LAPTM5: variants seen among roughly 807,000 people sequenced by gnomAD.
The protein encoded by LAPTM5 is lysosomal-associated transmembrane protein 5.
In LAPTM5, 11 loss-of-function variants were observed where a neutral mutation model predicts 30.1. The ratio of observed to expected loss-of-function variants is 0.37; its 90% CI spans 0.23 to 0.60. The LOEUF (loss-of-function observed/expected upper bound fraction) is 0.60. LAPTM5 is among the 20% of genes least tolerant of loss of function. The pLI is 0.71. For missense variants in LAPTM5, 324 were observed against 332.5 expected (o/e 0.97, Z 0.20); for synonymous variants, 151 against 137.9 (o/e 1.10, Z -0.67).
intron 1 of LAPTM5, among the ~76,000 whole-genome samples, chr1:30,750,322 T>C (rs1056734033): frequency 6.6e-6 from 1 of 152,144 alleles, no homozygotes; most frequent in African/African-American, 2.4e-5. Flanking sequence ...AGACCCACAA[T>C]AGTGATAATA....
At position 30,741,633 on chromosome 1, in the gene LAPTM5, C is replaced by G. The variant is rs373851627; in HGVS notation, c.258+7G>C. The G allele has an allele frequency of 5.0e-6, 8 of 1,590,678 alleles. No individual in the cohort carries two copies. The South Asian group carries it at 5.7e-5, about 11-fold the overall frequency. ...GGCAGGGGGCAGCGGGGCTCCTGAGCCCTCACCTTGACTACGCCGATCAGT... is the reference window on the plus strand; with the variant it reads ...GGCAGGGGGCAGCGGGGCTCCTGAGGCCTCACCTTGACTACGCCGATCAGT... On this transcript the variant is annotated splice_region_variant and intron_variant, in intron 3 of 7. Coordinates refer to ENST00000294507, the MANE Select transcript of LAPTM5 (RefSeq NM_006762.3).
intron 5 of LAPTM5, among the ~76,000 whole-genome samples, chr1:30,738,638 T>G (rs1221333633): frequency 6.6e-6 from 1 of 152,224 alleles, no homozygotes; most frequent in African/African-American, 2.4e-5. Flanking sequence ...CAATAAAAAC[T>G]GATATTATGT....
chr1:30,745,144 G>T (rs1398139390), intron 1 of LAPTM5, among the ~76,000 whole-genome samples: 1 of 152,076 alleles, frequency 6.6e-6, no homozygotes, highest in Non-Finnish European at 1.5e-5. Context: ...GGGGACATTT[G>T]TACAGCCTAA....
rs1640052455 is a variant in LAPTM5 at position 30,746,755 on chromosome 1, C to T, written c.88-4206G>A. On this transcript the variant is annotated intron_variant, in intron 1 of 7. Coordinates refer to ENST00000294507, the MANE Select transcript of LAPTM5 (RefSeq NM_006762.3). The surrounding 1 kb of genome is among the most constrained non-coding windows in gnomAD (Gnocchi z 4.0). ...CCCAGCCGAGCTCTGCACCCTTGAGCCAGCCACTAACCTCTCTGGGCCTCG... is the reference window on the plus strand; with the variant it reads ...CCCAGCCGAGCTCTGCACCCTTGAGTCAGCCACTAACCTCTCTGGGCCTCG... 6.6e-6 allele frequency among the ~76,000 whole-genome samples: 1 copy of T among 152,186 alleles called. No homozygotes were observed. The highest frequency in any genetic ancestry group is 6.5e-5 in the Admixed American group (1 of 15,288).
chr1:30,738,994 G>A lies in LAPTM5; in HGVS notation c.456C>T (p.Cys152=), dbSNP rs762482837. 3.7e-6 allele frequency: 6 copies of A among 1,608,280 alleles called. No homozygotes were observed. The highest frequency in any genetic ancestry group is 5.1e-6 in the Non-Finnish European group (6 of 1,177,684). The change falls in exon 5 of 8, where the codon TGC becomes TGT. Residue 152 remains cysteine, a synonymous_variant. Transcript: ENST00000294507. ...AGGTGGGCACTTCCATGTAGGAGCT[G>A]CAGAGGGTCAGGATGCTCAGGCAGA... ...LDFCLSILTL[C]SSYMEVPTYL...
intron 3 of LAPTM5, 120 bp downstream of exon 3, chr1:30,741,520 A>C: frequency 1.9e-6 from 1 of 539,946 alleles, no homozygotes; most frequent in South Asian, 2.7e-5. Context: ...GATCTCCAGA[A>C]CGCAGGTGGG....
intron 7 of LAPTM5, among the ~76,000 whole-genome samples, chr1:30,734,934 C>T (rs10914189): frequency 0.35 from 53,518 of 152,156 alleles, 11,632 homozygotes; most frequent in Middle Eastern, 0.59. Context: ...TCTTAGTTTT[C>T]TCTGCGCCTC....
intron 6 of LAPTM5, among the ~76,000 whole-genome samples, chr1:30,736,537 G>A (rs2178424): frequency 0.049 from 7,410 of 152,106 alleles, 503 homozygotes; most frequent in East Asian, 0.17. Flanking sequence ...AGGCTCAAGC[G>A]ATCCTCCCGC....
chr1:30,734,281 T>C (rs1177528796), intron 7 of LAPTM5, among the ~76,000 whole-genome samples: 2 of 152,220 alleles, frequency 1.3e-5, no homozygotes, highest in South Asian at 2.1e-4. Flanking sequence ...CCCCTGGCTA[T>C]AGTCCTTGGT....
intron 5 of LAPTM5, 146 bp downstream of exon 5, chr1:30,738,794 C>T (rs1451572399): frequency 3.0e-5 from 27 of 902,098 alleles, no homozygotes; most frequent in Non-Finnish European, 4.1e-5. Flanking sequence ...AGAGGGCTCC[C>T]TCAATAAATC....
intron 1 of LAPTM5, 60 bp downstream of exon 1, chr1:30,757,599 C>T (rs961147340): frequency 1.4e-5 from 22 of 1,547,636 alleles, no homozygotes; most frequent in South Asian, 2.3e-5. Flanking sequence ...GACGGGTCAC[C>T]GCAGACATTC....
intron 1 of LAPTM5, among the ~76,000 whole-genome samples, chr1:30,757,442 A>C (rs1434469092): frequency 6.6e-6 from 1 of 151,548 alleles, no homozygotes; most frequent in Admixed American, 6.6e-5. Context: ...CAGCTCCCTT[A>C]CTCCTCACTC....
At chr1:30,738,763 C>G (rs755172056) in intron 5 of LAPTM5, among the ~76,000 whole-genome samples, 177 bp downstream of exon 5, 1 of 152,226 alleles carries the variant, frequency 6.6e-6, no homozygotes, top group Non-Finnish European at 1.5e-5. Context: ...GCCTTCCTCA[C>G]TCCTGACAAG....
intron 1 of LAPTM5, among the ~76,000 whole-genome samples, chr1:30,754,292 G>T (rs1175793276): frequency 6.6e-6 from 1 of 152,192 alleles, no homozygotes; most frequent in Non-Finnish European, 1.5e-5. Flanking sequence ...AGCGCGTTGG[G>T]AGGCCAAGGC....
intron 1 of LAPTM5, among the ~76,000 whole-genome samples, chr1:30,744,228 C>A (rs1454399590): frequency 6.6e-6 from 1 of 152,016 alleles, no homozygotes; most frequent in Non-Finnish European, 1.5e-5. Flanking sequence ...GTTGAGAACA[C>A]CCCAAAAAGA....
intron 1 of LAPTM5, among the ~76,000 whole-genome samples, chr1:30,745,403 G>A (rs1342192428): frequency 6.6e-6 from 1 of 152,136 alleles, no homozygotes; most frequent in African/African-American, 2.4e-5. Context: ...GAGGCAGAGA[G>A]GCGCCCCCAT....
intron 1 of LAPTM5, among the ~76,000 whole-genome samples, chr1:30,743,752 A>G (rs753478282): frequency 6.6e-6 from 1 of 150,968 alleles, no homozygotes; most frequent in Non-Finnish European, 1.5e-5. Flanking sequence ...GCTGACAGGC[A>G]ACCAGCCACC....
chr1:30,756,994 C>G (rs573871544), intron 1 of LAPTM5, among the ~76,000 whole-genome samples: 59 of 152,350 alleles, frequency 3.9e-4, no homozygotes, highest in African/African-American at 1.4e-3. Flanking sequence ...GAACCAGTGA[C>G]AGCCGTGACT....
rs1639840530 is a variant in LAPTM5 at position 30,733,386 on chromosome 1, A to T, written c.*442T>A. 1 of 459,980 alleles carries T rather than the reference A, an allele frequency of 2.2e-6. No homozygotes were observed. The highest frequency in any genetic ancestry group is 2.1e-5 in the African/African-American group (1 of 48,244). The allele number at this position is 459,980 out of a possible 1,614,324, so 28.5% of individuals were successfully genotyped here. Reference sequence around the variant, plus strand: ...AACTAATTAATGATTACTTGATTAAATTGCTATGTGAACTGACAACTATTT... The same window carrying T: ...AACTAATTAATGATTACTTGATTAATTTGCTATGTGAACTGACAACTATTT... On this transcript the variant is annotated 3_prime_UTR_variant, in exon 8 of 8. Transcript: ENST00000294507.
Sources: allele counts gnomAD v4.1 joint callset (sites outside exome capture counted in the v4.1 genomes callset), GRCh38; gene constraint gnomAD v4.1.1; non-coding constraint Gnocchi (gnomAD v3.1); transcripts MANE v1.5; gene names NCBI Gene and HGNC (gene_info 2026-07-23, HGNC 2026-07-21).